KCNC2: variants seen among roughly 807,000 people sequenced by gnomAD.
The protein encoded by KCNC2 is voltage-gated potassium channel KCNC2.
In KCNC2, 21 loss-of-function variants were observed where a neutral mutation model predicts 44.5. That is an observed-to-expected ratio of 0.47 (90% confidence interval 0.33 to 0.68). KCNC2 has a LOEUF of 0.68. Among genes scored for constraint, KCNC2 ranks in the 30% least tolerant of loss-of-function variants. The pLI is 0.01. For missense variants in KCNC2, 589 were observed against 826.2 expected, an observed-to-expected ratio of 0.71 and a Z score of 3.52; for synonymous variants, 391 against 339.1, an observed-to-expected ratio of 1.15 and a Z score of -1.68.
intron 2 of KCNC2, among the ~76,000 whole-genome samples, chr12:75,155,601 C>A (rs971485406): frequency 6.6e-6 from 1 of 151,668 alleles, no homozygotes; most frequent in African/African-American, 2.4e-5. Context: ...AATATCTAAT[C>A]TCTATTAGAG....
At chr12:75,200,675 A>G (rs1777077320) in intron 2 of KCNC2, among the ~76,000 whole-genome samples, 1 of 151,724 alleles carries the variant, frequency 6.6e-6, no homozygotes, top group Admixed American at 6.6e-5. Context: ...GGAGCACTAT[A>G]CACTATACAT....
intron 2 of KCNC2, among the ~76,000 whole-genome samples, chr12:75,155,431 T>G (rs1890689322): frequency 6.6e-6 from 1 of 151,664 alleles, no homozygotes; most frequent in Admixed American, 6.6e-5. Flanking sequence ...CAGGAACAAG[T>G]AAGAAGAAAA....
chr12:75,155,057 G>T (rs944052247), intron 2 of KCNC2, among the ~76,000 whole-genome samples: 1 of 151,682 alleles, frequency 6.6e-6, no homozygotes, highest in Non-Finnish European at 1.5e-5. Flanking sequence ...ACAGTTTGGT[G>T]CTCACAGAAA....
chr12:75,201,747 C>A (rs1005643794), intron 2 of KCNC2, among the ~76,000 whole-genome samples: 8 of 151,846 alleles, frequency 5.3e-5, no homozygotes, highest in Non-Finnish European at 1.2e-4. Context: ...GGCAAAAAAG[C>A]AGTGCTTTTC....
chr12:75,168,215 A>G (rs1891582934), intron 2 of KCNC2, among the ~76,000 whole-genome samples: 1 of 151,486 alleles, frequency 6.6e-6, no homozygotes, highest in Non-Finnish European at 1.5e-5. Context: ...ATGACTTTTA[A>G]ATACCTTTTT....
At chr12:75,073,301 T>C (rs752826010) in intron 2 of KCNC2, among the ~76,000 whole-genome samples, 4 of 152,210 alleles carry the variant, frequency 2.6e-5, no homozygotes, top group Non-Finnish European at 4.4e-5. Flanking sequence ...ATTGGTTGGC[T>C]AACTTCTGCT....
chr12:75,142,666 T>C (rs1298160272), intron 2 of KCNC2, among the ~76,000 whole-genome samples: 7 of 152,228 alleles, frequency 4.6e-5, no homozygotes, highest in Admixed American at 3.9e-4. Flanking sequence ...GATTGTTAGC[T>C]GGGAGTCAGC....
At chr12:75,134,531 T>C (rs1889091439) in intron 2 of KCNC2, among the ~76,000 whole-genome samples, 1 of 151,794 alleles carries the variant, frequency 6.6e-6, no homozygotes, top group Non-Finnish European at 1.5e-5. Flanking sequence ...AGTGTGTAAG[T>C]TCAGTCCTGA....
intron 2 of KCNC2, among the ~76,000 whole-genome samples, chr12:75,180,034 T>C (rs564978752): frequency 6.6e-6 from 1 of 151,964 alleles, no homozygotes; most frequent in South Asian, 2.1e-4. Context: ...ACACCAAAAT[T>C]TATTATTTTC....
chr12:75,207,912 G>A lies in KCNC2; in HGVS notation c.72C>T (p.Ser24=). The A allele has an allele frequency of 6.2e-7, 1 of 1,612,862 alleles. No homozygotes were observed. The highest frequency in any genetic ancestry group is 1.3e-5 in the African/African-American group (1 of 75,040). Residue 24 remains serine, a synonymous_variant, in exon 2 of 5, where the codon AGC becomes AGT. Coordinates refer to ENST00000549446, the MANE Select transcript of KCNC2 (RefSeq NM_139137.4). This position sits in a 1 kb window ranked among gnomAD's most constrained non-coding sequence, Gnocchi z 4.1. ...GTGTTCCAGGCAGGGTCTTGAGGGT[G>A]CTGCGGTAGGTTTCGTGCCGGGTGC... is the stretch of plus-strand genomic sequence containing the variant. The part of the protein sequence containing the change: ...VGGTRHETYR[S]TLKTLPGTRL...
At chr12:75,124,009 C>T (rs1370016929) in intron 2 of KCNC2, 1 of 152,190 alleles carries the variant, frequency 6.6e-6, no homozygotes, top group Admixed American at 6.5e-5. Flanking sequence ...AAAAAACTCA[C>T]CACATTTCTT....
chr12:75,056,598 A>G (rs994465324), intron 2 of KCNC2, among the ~76,000 whole-genome samples: 2 of 152,018 alleles, frequency 1.3e-5, no homozygotes, highest in Admixed American at 1.3e-4. Flanking sequence ...AGAATTTTAA[A>G]TGTTCAAGTA....
chr12:75,066,725 A>G (rs1277360034), intron 2 of KCNC2, among the ~76,000 whole-genome samples: 1 of 152,218 alleles, frequency 6.6e-6, no homozygotes, highest in Non-Finnish European at 1.5e-5. Flanking sequence ...AATGAATTAC[A>G]AATAAATAAA....
At chr12:75,136,331 C>T (rs1889228426) in intron 2 of KCNC2, among the ~76,000 whole-genome samples, 1 of 151,654 alleles carries the variant, frequency 6.6e-6, no homozygotes. Context: ...AAAGAAATAA[C>T]AAAAATCAGA....
At chr12:75,182,977 G>A (rs1459093344) in intron 2 of KCNC2, among the ~76,000 whole-genome samples, 1 of 152,206 alleles carries the variant, frequency 6.6e-6, no homozygotes, top group Non-Finnish European at 1.5e-5. Flanking sequence ...GAAGCACAGT[G>A]AGCCTAACAG....
intron 2 of KCNC2, among the ~76,000 whole-genome samples, chr12:75,168,491 T>A (rs1425314395): frequency 6.6e-6 from 1 of 151,512 alleles, no homozygotes; most frequent in Non-Finnish European, 1.5e-5. Context: ...TACAAAGCTA[T>A]AATTATCAAT....
At chr12:75,052,749 T>C (rs1469487026) in intron 2 of KCNC2, among the ~76,000 whole-genome samples, 1 of 152,144 alleles carries the variant, frequency 6.6e-6, no homozygotes, top group African/African-American at 2.4e-5. Flanking sequence ...TGAGTTTTAA[T>C]CCACCAAAAT....
At chr12:75,202,707 G>A (rs1415272581) in intron 2 of KCNC2, among the ~76,000 whole-genome samples, 2 of 150,628 alleles carry the variant, frequency 1.3e-5, no homozygotes, top group East Asian at 3.9e-4. Flanking sequence ...CTAATATTTT[G>A]TAATAAAATA....
Position 75,043,223 on chromosome 12 carries a change from C to A in KCNC2, c.1799G>T (p.Ser600Ile), listed in dbSNP as rs779559517. 6.2e-7 allele frequency: 1 copy of A among 1,611,988 alleles called. No individual in the cohort carries two copies. The highest frequency in any genetic ancestry group is 1.7e-5 in the Admixed American group (1 of 59,794). The part of the protein sequence containing the change: ...GIRKGYEKSR[S>I]LNNIAGLAGN... ...TGCCAAGCCCGCTATGTTGTTTAAG[C>A]TTCGGGATTTTTCATATCCTTTTAT... is the stretch of plus-strand genomic sequence containing the variant. The change falls in exon 5 of 5, where the codon AGC (serine) becomes ATC (isoleucine). Residue 600 changes from serine to isoleucine, a missense_variant. Ser to Ile is a moderately radical substitution (Grantham distance 142, BLOSUM62 -2). Transcript: ENST00000549446.
Sources: gnomAD v4.1 joint callset for allele counts (sites outside exome capture counted in the v4.1 genomes callset) on GRCh38, gnomAD v4.1.1 for gene constraint, Gnocchi (gnomAD v3.1) non-coding constraint, MANE v1.5 for transcripts, NCBI Gene and HGNC (gene_info 2026-07-23, HGNC 2026-07-21) for gene names.